The following BORCS5 variants were observed in gnomAD, a reference collection of about 807,000 sequenced individuals.
The protein encoded by BORCS5 is BLOC-1 related complex subunit 5.
Under a neutral mutation model 22.1 loss-of-function variants are expected in BORCS5, and 17 were observed. That is an observed-to-expected ratio of 0.77 (90% CI 0.53 to 1.15). The LOEUF (loss-of-function observed/expected upper bound fraction) is 1.15. Among genes scored for constraint, BORCS5 ranks in the 50% most tolerant of loss-of-function variants. BORCS5 has a pLI of 0.00. For missense variants in BORCS5, 247 were observed against 253.2 expected (o/e 0.98, Z 0.17); for synonymous variants, 117 against 99.8 (o/e 1.17, Z -1.03).
chr12:12,362,527 C>T (rs920144169), intron 2 of BORCS5, among the ~76,000 whole-genome samples: 1 of 151,276 alleles, frequency 6.6e-6, no homozygotes, highest in Middle Eastern at 3.2e-3. Context: ...ACTCGTCATT[C>T]ACATTAGGTA....
chr12:12,450,691 A>G (rs1026077984), intron 3 of BORCS5, among the ~76,000 whole-genome samples: 8 of 152,226 alleles, frequency 5.3e-5, no homozygotes, highest in Admixed American at 3.9e-4. Context: ...TAGAAAAAAT[A>G]GGCAAAAATG....
At chr12:12,360,870 G>A (rs1034064604) in intron 1 of BORCS5, among the ~76,000 whole-genome samples, 7 of 151,964 alleles carry the variant, frequency 4.6e-5, no homozygotes, top group Non-Finnish European at 7.4e-5. Flanking sequence ...ACAGGCACCC[G>A]CCACCATGCC....
At chr12:12,382,628 G>T (rs1380028369) in intron 2 of BORCS5, among the ~76,000 whole-genome samples, 1 of 150,170 alleles carries the variant, frequency 6.7e-6, no homozygotes, top group Non-Finnish European at 1.5e-5. Flanking sequence ...TGCCTCCTGG[G>T]TTCAAGTGAT....
intron 2 of BORCS5, among the ~76,000 whole-genome samples, chr12:12,413,183 A>G (rs1202775529): frequency 2.6e-5 from 2 of 76,556 alleles, no homozygotes; most frequent in East Asian, 2.3e-4. Flanking sequence ...TCATAGGACA[A>G]TAGTGGAGGG....
At chr12:12,414,873 G>C (rs369603853) in intron 2 of BORCS5, among the ~76,000 whole-genome samples, 1 of 143,924 alleles carries the variant, frequency 6.9e-6, no homozygotes, top group African/African-American at 2.5e-5. Flanking sequence ...TCCCAGACAG[G>C]GTTGTGGCCA....
At chr12:12,388,099 T>C (rs1863922218) in intron 2 of BORCS5, among the ~76,000 whole-genome samples, 1 of 151,280 alleles carries the variant, frequency 6.6e-6, no homozygotes, top group Non-Finnish European at 1.5e-5. Context: ...TTTGTGATTA[T>C]TATATTAATT....
At chr12:12,392,075 A>T (rs1339518555) in intron 2 of BORCS5, among the ~76,000 whole-genome samples, 2 of 151,092 alleles carry the variant, frequency 1.3e-5, no homozygotes, top group African/African-American at 4.9e-5. Flanking sequence ...AATAGAGACA[A>T]AGCTAAAATG....
At chr12:12,387,730 T>C (rs766863339) in intron 2 of BORCS5, among the ~76,000 whole-genome samples, 1 of 151,466 alleles carries the variant, frequency 6.6e-6, no homozygotes, top group Non-Finnish European at 1.5e-5. Flanking sequence ...TAAAGTGTTT[T>C]TCACATGTGC....
At chr12:12,439,085 A>G (rs911642386) in intron 3 of BORCS5, among the ~76,000 whole-genome samples, 1 of 152,238 alleles carries the variant, frequency 6.6e-6, no homozygotes, top group Non-Finnish European at 1.5e-5. Context: ...GTCGTTTTGA[A>G]AGATGTAGTT....
rs1324192078 is a variant in BORCS5, at chr12:12,470,744, AG to A, written c.*4969del. 6.6e-6 allele frequency among the ~76,000 whole-genome samples: 1 copy of A among 150,712 alleles called. No homozygotes were observed. Among genetic ancestry groups the A allele is most frequent in the African/African-American group, 2.4e-5 (1 of 40,926 alleles). ...TGCTATGGCTACAGAGGGAAAGGGT[AG>A]CCAGATAATTATCCACATGCTTCAA... On this transcript the variant is annotated 3_prime_UTR_variant, in exon 4 of 4. Coordinates refer to ENST00000314565, the MANE Select transcript of BORCS5 (RefSeq NM_058169.6).
intron 3 of BORCS5, among the ~76,000 whole-genome samples, chr12:12,456,970 GT>G (rs1565935014): frequency 6.6e-6 from 1 of 152,030 alleles, no homozygotes. Context: ...CAATAGATAT[GT>G]TGTGTCTATT....
chr12:12,391,213 A>C (rs1169905980), intron 2 of BORCS5, among the ~76,000 whole-genome samples: 5 of 152,104 alleles, frequency 3.3e-5, no homozygotes, highest in Admixed American at 2.6e-4. Flanking sequence ...TCAAGATCAT[A>C]TCACTTAGCT....
intron 2 of BORCS5, among the ~76,000 whole-genome samples, chr12:12,362,636 C>CTTTT (rs71436712): frequency 0.01 from 578 of 57,570 alleles, 115 homozygotes; most frequent in Middle Eastern, 0.04. Context: ...TGTTACTCAT[C>CTTTT]TTTTTTTTTT....
intron 2 of BORCS5, among the ~76,000 whole-genome samples, chr12:12,394,439 G>A (rs1027987764): frequency 6.6e-6 from 1 of 151,950 alleles, no homozygotes; most frequent in African/African-American, 2.4e-5. Context: ...TTGGTGACCT[G>A]TAGGCCATTT....
Position 12,401,900 on chromosome 12 carries a change from A to G in BORCS5, c.203-33728A>G, listed in dbSNP as rs531368361. 2.6e-5 allele frequency among the ~76,000 whole-genome samples: 4 copies of G among 151,832 alleles called. No individual in the cohort carries two copies. In the South Asian group the frequency reaches 8.3e-4, roughly 32 times the overall value. On this transcript the variant is annotated intron_variant, in intron 2 of 3. Transcript: ENST00000314565. ...GGTGAAACCCTGTCTCTACTAAAAA[A>G]AAAAAATACAAAAAAATTAGCTGGG...
intron 3 of BORCS5, among the ~76,000 whole-genome samples, chr12:12,465,298 A>T (rs1943179813): frequency 6.6e-6 from 1 of 152,222 alleles, no homozygotes; most frequent in Non-Finnish European, 1.5e-5. Flanking sequence ...AACAAGGTAC[A>T]AATAACGCAC....
chr12:12,358,550 A>G (rs930528230), intron 1 of BORCS5, among the ~76,000 whole-genome samples: 8 of 152,220 alleles, frequency 5.3e-5, no homozygotes, highest in South Asian at 2.1e-4. Context: ...TCTTGCCTCT[A>G]TGGCAGGGCA....
At chr12:12,431,372 A>G (rs1193262746) in intron 2 of BORCS5, among the ~76,000 whole-genome samples, 1 of 146,256 alleles carries the variant, frequency 6.8e-6, no homozygotes, top group Non-Finnish European at 1.5e-5. Context: ...ATATCTTTTC[A>G]TAACTTTTGT....
chr12:12,373,754 T>G (rs1260883640), intron 2 of BORCS5, among the ~76,000 whole-genome samples: 2 of 152,140 alleles, frequency 1.3e-5, no homozygotes, highest in Admixed American at 6.6e-5. Context: ...TGCTGCCCTT[T>G]AGGACCTTAT....
Sources: gnomAD v4.1 joint callset for allele counts (sites outside exome capture counted in the v4.1 genomes callset) on GRCh38, gnomAD v4.1.1 for gene constraint, MANE v1.5 for transcripts, NCBI Gene and HGNC (gene_info 2026-07-23, HGNC 2026-07-21) for gene names.